Variants in EEF1AKMT2 observed in about 807,000 individuals in gnomAD.
EEF1AKMT2 encodes EEF1A lysine methyltransferase 2, also known as eukaryotic translation elongation factor 1 alpha lysine methyltransferase 2.
In EEF1AKMT2, 32 loss-of-function variants were observed where a neutral mutation model predicts 35.8. The ratio of observed to expected loss-of-function variants is 0.89; its 90% CI spans 0.67 to 1.20. The LOEUF (loss-of-function observed/expected upper bound fraction) is 1.20, where lower values mean the gene tolerates loss of function less well. Ranked by LOEUF, EEF1AKMT2 falls within the 50% of genes most tolerant of loss-of-function variation. The pLI, the probability that EEF1AKMT2 is intolerant of heterozygous loss-of-function variation, is 0.00. For missense variants in EEF1AKMT2, 330 were observed against 347.5 expected, an observed-to-expected ratio of 0.95 and a Z score of 0.40; for synonymous variants, 121 against 133.7, an observed-to-expected ratio of 0.91 and a Z score of 0.65.
At chr10:124,771,948 T>C (rs964619169) in intron 4 of EEF1AKMT2, among the ~76,000 whole-genome samples, 4 of 152,202 alleles carry the variant, frequency 2.6e-5, no homozygotes, top group African/African-American at 7.2e-5. Flanking sequence ...TGAACAGTAA[T>C]ACTTTGAGTC....
chr10:124,785,299 T>C (rs1383358874), intron 3 of EEF1AKMT2, among the ~76,000 whole-genome samples: 2 of 148,050 alleles, frequency 1.4e-5, no homozygotes, highest in African/African-American at 2.5e-5. Flanking sequence ...GTTAAAACTT[T>C]AAACAAAAAC....
intron 5 of EEF1AKMT2, among the ~76,000 whole-genome samples, chr10:124,762,832 A>G (rs1950343922): frequency 6.6e-6 from 1 of 152,180 alleles, no homozygotes; most frequent in Non-Finnish European, 1.5e-5. Flanking sequence ...TTATACACCC[A>G]TATTTGTTTT....
In EEF1AKMT2 at chr10:124,765,547, C is replaced by T. The variant is rs943144557; in HGVS notation, c.461G>A (p.Gly154Glu). The T allele has an allele frequency of 6.2e-7, 1 of 1,613,846 alleles. No individual in the cohort carries two copies. The highest frequency in any genetic ancestry group is 8.5e-7 in the Non-Finnish European group (1 of 1,179,902). Residue 154 changes from glycine (G) to glutamate (E), a missense_variant, in exon 5 of 7, where the codon GGG (glycine) becomes GAG (glutamate). Gly to Glu is a moderately conservative substitution (Grantham distance 98). Coordinates refer to ENST00000368836, the MANE Select transcript of EEF1AKMT2 (RefSeq NM_212554.4). ...LSGFHICIDK[G>E]TFDAISLNPD... ...ATTAAGGCTTATGGCATCAAAAGTC[C>T]CTTTGTCAATACAAATATGAAATCC... is the stretch of plus-strand genomic sequence containing the variant.
chr10:124,769,987 A>C lies in EEF1AKMT2; in HGVS notation c.400-4379T>G, dbSNP rs542460663. ...AAAAAAAAAATTGGGTGCCTTAAAA[A>C]ATACTTTATTGTAGGCCAGGAGTGG... is the stretch of plus-strand genomic sequence containing the variant. On this transcript the variant is annotated intron_variant, in intron 4 of 6. Coordinates refer to ENST00000368836, the MANE Select transcript of EEF1AKMT2 (RefSeq NM_212554.4). Among the ~76,000 whole-genome samples, 3 of 151,680 alleles carry C rather than the reference A, an allele frequency of 2.0e-5. No individual in the cohort carries two copies. In the East Asian group the frequency reaches 5.8e-4, roughly 29 times the overall value.
At chr10:124,790,668 A>G (rs1367257024) in intron 1 of EEF1AKMT2, among the ~76,000 whole-genome samples, 1 of 152,220 alleles carries the variant, frequency 6.6e-6, no homozygotes, top group Non-Finnish European at 1.5e-5. Context: ...TGAAACAAGC[A>G]CATCTGGTCT....
rs775724721 is a variant in EEF1AKMT2, at chr10:124,760,378, GTAGCTACCTGAA to G, written c.*113_*124del. ...GTTAACTTTGCTGTGTAGATTCTGT[GTAGCTACCTGAA>G]TTCGTCCAAGAAAAAGTCTCACATT... On this transcript the variant is annotated 3_prime_UTR_variant, in exon 7 of 7. Transcript: ENST00000368836. 3.7e-5 allele frequency: 55 copies of G among 1,473,702 alleles called. No homozygotes were observed. In the South Asian group the frequency reaches 6.0e-4, roughly 16 times the overall value. 91.3% of individuals were successfully genotyped at this position (1,473,702 alleles called of 1,614,324 possible).
chr10:124,761,798 T>C (rs1269918257), intron 6 of EEF1AKMT2, among the ~76,000 whole-genome samples: 1 of 152,184 alleles, frequency 6.6e-6, no homozygotes, highest in African/African-American at 2.4e-5. Context: ...GGCCTGTGCC[T>C]GTGCGCCTGT....
chr10:124,771,772 G>A (rs918784827), intron 4 of EEF1AKMT2, among the ~76,000 whole-genome samples: 9 of 152,070 alleles, frequency 5.9e-5, no homozygotes, highest in African/African-American at 1.4e-4. Flanking sequence ...GGGAGGCTGA[G>A]GCAGGAGAAT....
chr10:124,758,035 C>T lies in EEF1AKMT2; in HGVS notation c.*2468G>A, dbSNP rs1195814292. Reference sequence around the variant, plus strand: ...TTTGGACTTGCACACGCACTTCCTACACACAGAAGTGGCCTGTTATGCAGC... The same window carrying T: ...TTTGGACTTGCACACGCACTTCCTATACACAGAAGTGGCCTGTTATGCAGC... On this transcript the variant is annotated 3_prime_UTR_variant, in exon 7 of 7. Coordinates refer to ENST00000368836, the MANE Select transcript of EEF1AKMT2 (RefSeq NM_212554.4). 1.3e-5 allele frequency: 2 copies of T among 152,216 alleles called. No individual in the cohort carries two copies. Among genetic ancestry groups the T allele is most frequent in the African/African-American group, 4.8e-5 (2 of 41,462 alleles). The allele number at this position is 152,216 out of a possible 1,614,324, so 9.4% of individuals were successfully genotyped here. A position where few individuals can be genotyped will look rare whatever the true frequency, so the allele number is the denominator to read the frequency against.
At chr10:124,782,738 A>G (rs1589791502) in intron 3 of EEF1AKMT2, among the ~76,000 whole-genome samples, 1 of 149,206 alleles carries the variant, frequency 6.7e-6, no homozygotes, top group East Asian at 2.1e-4. Flanking sequence ...ACTTGAACCC[A>G]GGAGGTGGAG....
At chr10:124,769,248 A>ATATATATATATATGTGTGTG (rs60863408) in intron 4 of EEF1AKMT2, among the ~76,000 whole-genome samples, 1 of 63,822 alleles carries the variant, frequency 1.6e-5, no homozygotes, top group African/African-American at 5.5e-5. Flanking sequence ...ATATATATAT[A>ATATATATATATATGTGTGTG]TGTGTGTATA....
intron 3 of EEF1AKMT2, among the ~76,000 whole-genome samples, chr10:124,785,273 A>AAAT: frequency 6.8e-6 from 1 of 147,548 alleles, no homozygotes; most frequent in African/African-American, 2.5e-5. Flanking sequence ...AAAAAAAAGA[A>AAAT]TGTAAAAGGT....
chr10:124,764,842 TATAAATA>T (rs1950363857), intron 5 of EEF1AKMT2, among the ~76,000 whole-genome samples: 1 of 152,252 alleles, frequency 6.6e-6, no homozygotes, highest in African/African-American at 2.4e-5. Context: ...TGTTTGATTC[TATAAATA>T]ATAGATTATA....
chr10:124,765,294 A>G (rs893154893), intron 5 of EEF1AKMT2, 98 bp downstream of exon 5: 1 of 1,000,028 alleles, frequency 1.0e-6, no homozygotes, highest in Non-Finnish European at 1.5e-6. Flanking sequence ...TCCCACAAAT[A>G]GAAAAGTAAA....
intron 4 of EEF1AKMT2, among the ~76,000 whole-genome samples, chr10:124,771,388 C>T (rs578037773): frequency 1.5e-4 from 23 of 151,824 alleles, no homozygotes; most frequent in African/African-American, 4.8e-4. Context: ...CGTGAGCCAC[C>T]GCGCCCAGCC....
At chr10:124,770,219 C>T (rs1034175234) in intron 4 of EEF1AKMT2, among the ~76,000 whole-genome samples, 1 of 152,074 alleles carries the variant, frequency 6.6e-6, no homozygotes, top group African/African-American at 2.4e-5. Flanking sequence ...GAGTTCAAGA[C>T]CAGCCTGGCC....
chr10:124,788,569 C>T (rs1950606776), intron 3 of EEF1AKMT2, among the ~76,000 whole-genome samples: 1 of 151,842 alleles, frequency 6.6e-6, no homozygotes, highest in East Asian at 1.9e-4. Context: ...GAGCACACTG[C>T]AGGCATACAA....
Position 124,760,384 on chromosome 10 carries a change from A to T in EEF1AKMT2, c.*119T>A, listed in dbSNP as rs757247976. On this transcript the variant is annotated 3_prime_UTR_variant, in exon 7 of 7. Coordinates refer to ENST00000368836, the MANE Select transcript of EEF1AKMT2 (RefSeq NM_212554.4). ...TTTGCTGTGTAGATTCTGTGTAGCT[A>T]CCTGAATTCGTCCAAGAAAAAGTCT... 1.1e-5 allele frequency: 16 copies of T among 1,514,754 alleles called. No homozygotes were observed. In the Admixed American group the frequency reaches 2.7e-4, roughly 26 times the overall value. The allele number at this position is 1,514,754 out of a possible 1,614,324, so 93.8% of individuals were successfully genotyped here. A position where few individuals can be genotyped will look rare whatever the true frequency, so the allele number is the denominator to read the frequency against.
chr10:124,788,529 A>G (rs993830475), intron 3 of EEF1AKMT2, among the ~76,000 whole-genome samples: 4 of 151,838 alleles, frequency 2.6e-5, no homozygotes, highest in African/African-American at 9.7e-5. Flanking sequence ...CCTAAGTCTT[A>G]TAATTCCTCC....
Sources: allele counts gnomAD v4.1 joint callset (sites outside exome capture counted in the v4.1 genomes callset), GRCh38; gene constraint gnomAD v4.1.1; transcripts MANE v1.5; gene names NCBI Gene and HGNC (gene_info 2026-07-23, HGNC 2026-07-21).